The following IL5RA variants were observed in gnomAD, a reference collection of about 807,000 sequenced individuals.
The protein encoded by IL5RA is interleukin 5 receptor subunit alpha.
In IL5RA, 49 loss-of-function variants were observed where a neutral mutation model predicts 50.0. The ratio of observed to expected loss-of-function variants is 0.98; its 90% CI spans 0.78 to 1.24. IL5RA has a LOEUF of 1.24. Among genes scored for constraint, IL5RA ranks in the 50% most tolerant of loss-of-function variants. IL5RA has a pLI of 0.00. For synonymous variants in IL5RA, 202 were observed against 174.0 expected (o/e 1.16, Z -1.26); for missense variants, 600 against 500.4 (o/e 1.20, Z -1.90).
intron 9 of IL5RA, among the ~76,000 whole-genome samples, chr3:3,086,938 A>G (rs1174348414): frequency 6.6e-6 from 1 of 152,240 alleles, no homozygotes; most frequent in Non-Finnish European, 1.5e-5. Context: ...ATTGGAGGCC[A>G]TTACCCTAAG....
intron 9 of IL5RA, among the ~76,000 whole-genome samples, chr3:3,084,147 C>T (rs1411485536): frequency 6.6e-6 from 1 of 151,904 alleles, no homozygotes; most frequent in African/African-American, 2.4e-5. Flanking sequence ...CTATGTCCTG[C>T]ATTATAAAAC....
chr3:3,092,363 CT>C lies in IL5RA; in HGVS notation c.856-2del. On this transcript the variant is annotated splice_acceptor_variant, in intron 8 of 11. Coordinates refer to ENST00000446632, the MANE Select transcript of IL5RA (RefSeq NM_175726.4). LOFTEE classifies it high-confidence loss of function. This position sits in a 1 kb window ranked among gnomAD's most constrained non-coding sequence, Gnocchi z 4.2. ...ATGCATTGGTCATCAATTTTTCTAT[CT>C]AAGTGGGGAAAGATAGCATTAGAAG... The C allele has an allele frequency of 6.2e-7, 1 of 1,612,544 alleles. No individual in the cohort carries two copies. The highest frequency in any genetic ancestry group is 1.1e-5 in the South Asian group (1 of 91,034).
intron 9 of IL5RA, among the ~76,000 whole-genome samples, chr3:3,086,417 C>T (rs368663081): frequency 4.1e-4 from 62 of 152,048 alleles, no homozygotes; most frequent in East Asian, 7.7e-4. Context: ...CAGAAGAATC[C>T]GGAAGTTAAG....
intron 9 of IL5RA, among the ~76,000 whole-genome samples, chr3:3,082,546 C>G (rs1702704880): frequency 6.6e-6 from 1 of 152,202 alleles, no homozygotes; most frequent in Non-Finnish European, 1.5e-5. Context: ...TGTCTGGGGA[C>G]CTCAGTTTCC....
intron 1 of IL5RA, among the ~76,000 whole-genome samples, chr3:3,109,240 G>A (rs946573676): frequency 4.6e-5 from 7 of 151,980 alleles, no homozygotes; most frequent in African/African-American, 7.3e-5. Flanking sequence ...AAAACCAAGT[G>A]ACATATTTCA....
chr3:3,106,909 A>G (rs1433334813), intron 2 of IL5RA, among the ~76,000 whole-genome samples: 2 of 152,194 alleles, frequency 1.3e-5, no homozygotes, highest in Non-Finnish European at 2.9e-5. Context: ...TGTACTTGTA[A>G]AAGCAATAAA....
chr3:3,103,174 C>T (rs1449311317), intron 3 of IL5RA, among the ~76,000 whole-genome samples: 7 of 152,200 alleles, frequency 4.6e-5, no homozygotes, highest in African/African-American at 1.2e-4. Flanking sequence ...TGAGCCACCA[C>T]GCCTGTCCTA....
At chr3:3,083,173 C>T (rs1702726379) in intron 9 of IL5RA, among the ~76,000 whole-genome samples, 2 of 152,202 alleles carry the variant, frequency 1.3e-5, no homozygotes, top group Admixed American at 1.3e-4. Flanking sequence ...AACCAGATCA[C>T]AGGCTTCCAG....
At chr3:3,079,830 T>A (rs13069529) in intron 9 of IL5RA, among the ~76,000 whole-genome samples, 20,988 of 152,154 alleles carry the variant, frequency 0.14, 1,649 homozygotes, top group East Asian at 0.26. Flanking sequence ...GGTCAGGCGT[T>A]TGAGACCAGC....
intron 10 of IL5RA, among the ~76,000 whole-genome samples, chr3:3,075,508 T>A (rs902712221): frequency 6.6e-6 from 1 of 152,010 alleles, no homozygotes; most frequent in African/African-American, 2.4e-5. Flanking sequence ...CAGCCGAGTT[T>A]ACTTTCTTTT....
At position 3,092,455 on chromosome 3, in the gene IL5RA, A is replaced by C. The variant is rs1703169386; in HGVS notation, c.856-93T>G. 8.6e-7 allele frequency: 1 copy of C among 1,168,176 alleles called. No homozygotes were observed. Among genetic ancestry groups the C allele is most frequent in the Non-Finnish European group, 1.2e-6 (1 of 810,916 alleles). 72.4% of individuals were successfully genotyped at this position (1,168,176 alleles called of 1,614,324 possible). On this transcript the variant is annotated intron_variant, in intron 8 of 11. Coordinates refer to ENST00000446632, the MANE Select transcript of IL5RA (RefSeq NM_175726.4). This position sits in a 1 kb window ranked among gnomAD's most constrained non-coding sequence, Gnocchi z 4.2. Reference sequence around the variant, plus strand: ...TGGGAGGTCCTATATAGGTCATGTGACTCACTGTTCAGCAAGTCCTTTAAA... The same window carrying C: ...TGGGAGGTCCTATATAGGTCATGTGCCTCACTGTTCAGCAAGTCCTTTAAA...
chr3:3,083,311 A>C (rs1702731395), intron 9 of IL5RA, among the ~76,000 whole-genome samples: 1 of 152,176 alleles, frequency 6.6e-6, no homozygotes, highest in Non-Finnish European at 1.5e-5. Flanking sequence ...AGTGAACAAA[A>C]TGTGTAGAGT....
chr3:3,090,763 C>T (rs1209455720), intron 9 of IL5RA, among the ~76,000 whole-genome samples: 4 of 151,882 alleles, frequency 2.6e-5, no homozygotes, highest in African/African-American at 9.7e-5. Flanking sequence ...TTAGTAGAGA[C>T]AGGGTTTCAC....
intron 5 of IL5RA, among the ~76,000 whole-genome samples, chr3:3,098,670 G>T (rs989820371): frequency 1.3e-5 from 2 of 152,130 alleles, no homozygotes; most frequent in Non-Finnish European, 2.9e-5. Context: ...CTCCTAAAGT[G>T]CTGGAATTAC....
rs1191514888 is a variant in IL5RA at position 3,110,170 on chromosome 3, C to G, written c.-371G>C. The G allele has an allele frequency of 2.0e-5, 3 of 152,232 alleles. No individual in the cohort carries two copies. Among genetic ancestry groups the G allele is most frequent in the Admixed American group, 6.5e-5 (1 of 15,286 alleles). 9.4% of individuals were successfully genotyped at this position (152,232 alleles called of 1,614,324 possible). On this transcript the variant is annotated 5_prime_UTR_variant, in exon 1 of 12. Transcript: ENST00000446632. ...ACAGAGCAACTGTGCAGGAGCTGAA[C>G]TGGAACTCCCAACAACCAAACTGCT...
intron 9 of IL5RA, 97 bp from the exon 10 acceptor site, chr3:3,076,724 G>A (rs1702498894): frequency 2.8e-6 from 2 of 716,488 alleles, no homozygotes; most frequent in South Asian, 3.7e-5. Context: ...GACAGCTCAG[G>A]TTTGAGTTGC....
At chr3:3,085,060 G>T (rs1702800942) in intron 9 of IL5RA, among the ~76,000 whole-genome samples, 1 of 152,234 alleles carries the variant, frequency 6.6e-6, no homozygotes, top group South Asian at 2.1e-4. Flanking sequence ...TCAGGCTAGT[G>T]GGATGACCAC....
intron 9 of IL5RA, among the ~76,000 whole-genome samples, chr3:3,089,401 C>A (rs1348791634): frequency 1.1e-4 from 16 of 152,222 alleles, no homozygotes; most frequent in African/African-American, 3.9e-4. Context: ...TGGAAATCTA[C>A]CTGCTGTGTG....
chr3:3,105,010 CA>C, intron 2 of IL5RA, 23 bp from the exon 3 acceptor site: 3 of 1,458,190 alleles, frequency 2.1e-6, no homozygotes, highest in South Asian at 1.2e-5. Context: ...AGGGAGATAC[CA>C]AAATCATCTT....
Sources: allele counts gnomAD v4.1 joint callset (sites outside exome capture counted in the v4.1 genomes callset), GRCh38; gene constraint gnomAD v4.1.1; non-coding constraint Gnocchi (gnomAD v3.1); transcripts MANE v1.5; gene names NCBI Gene and HGNC (gene_info 2026-07-23, HGNC 2026-07-21).